Variants in FBXL19 observed in about 807,000 individuals in gnomAD.
The protein encoded by FBXL19 is F-box and leucine rich repeat protein 19.
In FBXL19, 16 loss-of-function variants were observed where a neutral mutation model predicts 71.2. The ratio of observed to expected loss-of-function variants is 0.22; its 90% CI spans 0.15 to 0.34. The LOEUF is 0.34. FBXL19 is among the 10% of genes least tolerant of loss of function. The probability of loss-of-function intolerance (pLI) is 1.00; values close to 1 mark genes in which losing one functional copy is unlikely to be tolerated. For synonymous variants in FBXL19, 447 were observed against 409.4 expected (o/e 1.09, Z -1.11); for missense variants, 658 against 968.2 (o/e 0.68, Z 4.25).
chr16:30,940,702 T>G (rs2143375575), intron 7 of FBXL19, among the ~76,000 whole-genome samples: 1 of 152,276 alleles, frequency 6.6e-6, no homozygotes, highest in Non-Finnish European at 1.5e-5. Context: ...AGTCTCTCAC[T>G]GTTGCCCCAG....
rs749247594 is a variant in FBXL19 at position 30,946,863 on chromosome 16, C to T, written c.1761C>T (p.Cys587=). The change falls in exon 10 of 11, where the codon TGC becomes TGT. Residue 587 remains cysteine, a synonymous_variant. Coordinates refer to ENST00000338343, the MANE Select transcript of FBXL19 (RefSeq NM_001382779.1). This position sits in a 1 kb window ranked among gnomAD's most constrained non-coding sequence, Gnocchi z 6.7. ...PQLSALDLSH[C]AHVGDPSVHL... ...TGAGCGCCCTGGACCTGAGCCACTG[C>T]GCCCACGTCGGGGACCCCAGTGTTC... The T allele has an allele frequency of 1.7e-5, 28 of 1,611,502 alleles. No homozygotes were observed. The highest frequency in any genetic ancestry group is 1.2e-4 in the South Asian group (11 of 90,762).
intron 7 of FBXL19, among the ~76,000 whole-genome samples, chr16:30,936,063 C>T (rs2055729194): frequency 6.6e-6 from 1 of 152,170 alleles, no homozygotes; most frequent in African/African-American, 2.4e-5. Context: ...TGAGCTGTGT[C>T]CCTTCCTTGT....
rs2055858205 is a variant in FBXL19, at chr16:30,946,325, T to G, written c.1628-405T>G. Among the ~76,000 whole-genome samples the G allele has an allele frequency of 6.6e-6, 1 of 152,162 alleles. No individual in the cohort carries two copies. The highest frequency in any genetic ancestry group is 2.4e-5 in the African/African-American group (1 of 41,446). ...TTCAAGTGATTCTCCTGCCTCAGCC[T>G]CCTGAGTAGCCGGGATTACAGGCGC... is the stretch of plus-strand genomic sequence containing the variant. On this transcript the variant is annotated intron_variant, in intron 9 of 10. Coordinates refer to ENST00000338343, the MANE Select transcript of FBXL19 (RefSeq NM_001382779.1). This position sits in a 1 kb window ranked among gnomAD's most constrained non-coding sequence, Gnocchi z 6.7.
intron 6 of FBXL19, 97 bp downstream of exon 6, chr16:30,928,725 G>A (rs1179001603): frequency 1.7e-5 from 15 of 880,234 alleles, no homozygotes; most frequent in Admixed American, 1.1e-4. Context: ...ACCTTGTTCT[G>A]CCCCAGCCCC....
chr16:30,939,473 G>C (rs893666082), intron 7 of FBXL19, among the ~76,000 whole-genome samples: 1 of 149,064 alleles, frequency 6.7e-6, no homozygotes, highest in Non-Finnish European at 1.5e-5. Context: ...GAGTGCAGTG[G>C]CACGATCTCG....
intron 7 of FBXL19, among the ~76,000 whole-genome samples, chr16:30,938,484 C>T (rs184612597): frequency 2.6e-5 from 4 of 152,172 alleles, no homozygotes; most frequent in African/African-American, 2.4e-5. Context: ...CTAGCCTGGG[C>T]GACAGTGAGA....
Position 30,946,062 on chromosome 16 carries a change from G to C in FBXL19, c.1628-668G>C, listed in dbSNP as rs1945321704. On this transcript the variant is annotated intron_variant, in intron 9 of 10. Transcript: ENST00000338343. The surrounding 1 kb of genome is among the most constrained non-coding windows in gnomAD (Gnocchi z 6.7). ...GAATTGGCTCAGGATTCTGCAAGCT[G>C]TACAGGAAGTATCGTGCCTGCGTCT... Among the ~76,000 whole-genome samples, 1 of 152,130 alleles carries C rather than the reference G, an allele frequency of 6.6e-6. No individual in the cohort carries two copies. Among genetic ancestry groups the C allele is most frequent in the African/African-American group, 2.4e-5 (1 of 41,410 alleles).
At chr16:30,935,336 G>A (rs1175875236) in intron 7 of FBXL19, among the ~76,000 whole-genome samples, 2 of 152,202 alleles carry the variant, frequency 1.3e-5, no homozygotes, top group Non-Finnish European at 2.9e-5. Context: ...ATGTACAGAG[G>A]GTGGCGCTGG....
chr16:30,936,274 T>C (rs2055731417), intron 7 of FBXL19, among the ~76,000 whole-genome samples: 1 of 152,144 alleles, frequency 6.6e-6, no homozygotes, highest in Non-Finnish European at 1.5e-5. Flanking sequence ...CCAGCCCTCC[T>C]TGACATGACA....
intron 9 of FBXL19, among the ~76,000 whole-genome samples, chr16:30,945,382 G>A (rs1226403477): frequency 6.6e-6 from 1 of 152,066 alleles, no homozygotes; most frequent in Admixed American, 6.6e-5. Flanking sequence ...ACTCTGGGCC[G>A]GGCATGGTGG....
chr16:30,943,445 G>A (rs1402569696), intron 9 of FBXL19, among the ~76,000 whole-genome samples: 1 of 141,790 alleles, frequency 7.1e-6, no homozygotes, highest in Non-Finnish European at 1.5e-5. Context: ...TGCTATCTCG[G>A]ATCACTGCAA....
At chr16:30,939,450 G>A (rs1186455903) in intron 7 of FBXL19, among the ~76,000 whole-genome samples, 1 of 142,422 alleles carries the variant, frequency 7.0e-6, no homozygotes, top group Non-Finnish European at 1.5e-5. Flanking sequence ...GTCTCGCTCT[G>A]TCGCCCAGGC....
chr16:30,927,796 G>A lies in FBXL19; in HGVS notation c.460G>A (p.Ala154Thr), dbSNP rs1353267026. The change falls in exon 5 of 11, where the codon GCC (alanine) becomes ACC (threonine). Residue 154 changes from alanine to threonine, a missense_variant. By Grantham distance (58) the Ala-to-Thr change is moderately conservative. Coordinates refer to ENST00000338343, the MANE Select transcript of FBXL19 (RefSeq NM_001382779.1). ...TAGGGCCGACAACGGCGAGGAGGGC[G>A]CCAGCTTGGGGAGCGGATGGAAGCT... is the stretch of plus-strand genomic sequence containing the variant. Reference protein sequence around the residue: ...RRRADNGEEGASLGSGWKLTE... With the variant: ...RRRADNGEEGTSLGSGWKLTE... The A allele has an allele frequency of 6.4e-7, 1 of 1,553,234 alleles. No homozygotes were observed. The highest frequency in any genetic ancestry group is 8.7e-7 in the Non-Finnish European group (1 of 1,149,126).
chr16:30,936,288 A>G (rs1479254702), intron 7 of FBXL19, among the ~76,000 whole-genome samples: 1 of 151,914 alleles, frequency 6.6e-6, no homozygotes, highest in East Asian at 1.9e-4. Flanking sequence ...CATGACACCC[A>G]TCCCTCCTTT....
chr16:30,934,027 A>G (rs2055704165), intron 7 of FBXL19, among the ~76,000 whole-genome samples: 1 of 150,246 alleles, frequency 6.7e-6, no homozygotes. Flanking sequence ...TGCTGGGATT[A>G]CAAGCATGAG....
At chr16:30,926,176 C>T (rs2055587889) in intron 2 of FBXL19, among the ~76,000 whole-genome samples, 1 of 152,188 alleles carries the variant, frequency 6.6e-6, no homozygotes, top group African/African-American at 2.4e-5. Context: ...CTCTCAGAGT[C>T]ACACCCCCGC....
Position 30,942,492 on chromosome 16 carries a change from C to T in FBXL19, c.1583C>T (p.Ser528Phe), listed in dbSNP as rs889926018. The change falls in exon 9 of 11, where the codon TCC becomes TTC. Residue 528 changes from serine to phenylalanine, a missense_variant. Around this residue, in one of 8 missense-constraint regions of FBXL19, gnomAD observed 21 missense variants for 45.1 expected, o/e 0.47. Transcript: ENST00000338343. The surrounding 1 kb of genome is among the most constrained non-coding windows in gnomAD (Gnocchi z 5.7). ...DLRWIEDVKDSQLRELLLPPP... is the reference protein window; with the variant it reads ...DLRWIEDVKDFQLRELLLPPP... ...CGCTGGATCGAGGATGTTAAAGACT[C>T]CCAGCTCCGGGAGTTGCTGCTGCCT... The T allele has an allele frequency of 6.3e-7, 1 of 1,597,148 alleles. No homozygotes were observed. The highest frequency in any genetic ancestry group is 8.5e-7 in the Non-Finnish European group (1 of 1,172,306).
intron 7 of FBXL19, among the ~76,000 whole-genome samples, chr16:30,937,748 G>C (rs920926067): frequency 1.3e-5 from 2 of 152,136 alleles, no homozygotes; most frequent in Non-Finnish European, 2.9e-5. Flanking sequence ...TGTGTCTATA[G>C]GTGGGCAGGT....
At chr16:30,934,905 C>A (rs1567339976) in intron 7 of FBXL19, among the ~76,000 whole-genome samples, 1 of 152,114 alleles carries the variant, frequency 6.6e-6, no homozygotes, top group Non-Finnish European at 1.5e-5. Flanking sequence ...AGGTAGCAAG[C>A]CAAGCAGCTT....
Sources: gnomAD v4.1 joint callset for allele counts (sites outside exome capture counted in the v4.1 genomes callset) on GRCh38, gnomAD v4.1.1 for gene constraint, gnomAD v4.1.1 regional missense constraint, Gnocchi (gnomAD v3.1) non-coding constraint, MANE v1.5 for transcripts, NCBI Gene and HGNC (gene_info 2026-07-23, HGNC 2026-07-21) for gene names.